Variants in DCP2 observed in about 807,000 individuals in gnomAD.
DCP2 encodes decapping mRNA 2, also known as m7GpppN-mRNA hydrolase.
Under a neutral mutation model 56.1 loss-of-function variants are expected in DCP2, and 30 were observed. The ratio of observed to expected loss-of-function variants is 0.53; its 90% CI spans 0.40 to 0.73. The LOEUF is 0.73. DCP2 is among the 30% of genes least tolerant of loss of function. The probability of loss-of-function intolerance (pLI) is 0.00; values close to 1 mark genes in which losing one functional copy is unlikely to be tolerated. For synonymous variants in DCP2, 197 were observed against 163.3 expected, an observed-to-expected ratio of 1.21 and a Z score of -1.57; for missense variants, 533 against 502.7, an observed-to-expected ratio of 1.06 and a Z score of -0.58.
rs1198688146 is a variant in DCP2 at position 113,008,032 on chromosome 5, A to G, written c.1037A>G (p.Asn346Ser). The change falls in exon 9 of 11, where the codon AAT becomes AGT. Residue 346 changes from asparagine to serine, a missense_variant. Transcript: ENST00000389063. ...GGGCTTCAGCCAGCAAAGCAGCAGAATTCTTTGATGGTAAGAGTTATAGCT... is the reference window on the plus strand; with the variant it reads ...GGGCTTCAGCCAGCAAAGCAGCAGAGTTCTTTGATGGTAAGAGTTATAGCT... ...TNGLQPAKQQ[N>S]SLMKCEKKLH... 4.3e-6 allele frequency: 7 copies of G among 1,613,840 alleles called. No individual in the cohort carries two copies. The highest frequency in any genetic ancestry group is 5.9e-6 in the Non-Finnish European group (7 of 1,179,740).
chr5:113,015,957 GA>G lies in DCP2; in HGVS notation c.*2475del, dbSNP rs1291814774. On this transcript the variant is annotated 3_prime_UTR_variant, in exon 11 of 11. Coordinates refer to ENST00000389063, the MANE Select transcript of DCP2 (RefSeq NM_152624.6). ...TGCTGCATTTTAAGATGCTAGATGA[GA>G]AGAGTAGTTGGTTTTGCTTCATTAT... 6.6e-6 allele frequency: 1 copy of G among 152,640 alleles called. No individual in the cohort carries two copies. The highest frequency in any genetic ancestry group is 1.5e-5 in the Non-Finnish European group (1 of 68,032). The allele number at this position is 152,640 out of a possible 1,614,324, so 9.5% of individuals were successfully genotyped here. A position where few individuals can be genotyped will look rare whatever the true frequency, so the allele number is the denominator to read the frequency against.
chr5:113,011,292 A>T (rs558285997), intron 10 of DCP2, among the ~76,000 whole-genome samples: 1 of 152,184 alleles, frequency 6.6e-6, no homozygotes, highest in Non-Finnish European at 1.5e-5. Context: ...GCAGTGTTCA[A>T]CTTTTTAAGG....
chr5:113,003,127 C>T (rs1347183776), intron 7 of DCP2, among the ~76,000 whole-genome samples: 3 of 146,788 alleles, frequency 2.0e-5, no homozygotes, highest in Non-Finnish European at 4.5e-5. Flanking sequence ...GCCCTGATGT[C>T]TTTCAGAATC....
At chr5:113,002,911 A>G (rs1749245404) in intron 7 of DCP2, among the ~76,000 whole-genome samples, 1 of 152,190 alleles carries the variant, frequency 6.6e-6, no homozygotes, top group African/African-American at 2.4e-5. Flanking sequence ...TTTAAACATA[A>G]TATATATTTT....
At chr5:112,988,583 G>A (rs897618326) in intron 2 of DCP2, among the ~76,000 whole-genome samples, 4 of 151,134 alleles carry the variant, frequency 2.6e-5, no homozygotes, top group African/African-American at 7.3e-5. Context: ...AAATCCCTGA[G>A]CCATAGTAGT....
At chr5:112,992,812 G>A (rs1200972646) in intron 4 of DCP2, 42 bp downstream of exon 4, 1 of 1,467,944 alleles carries the variant, frequency 6.8e-7, no homozygotes, top group African/African-American at 1.5e-5. Flanking sequence ...TTGGCTATTA[G>A]GGTCTGAATG....
intron 2 of DCP2, among the ~76,000 whole-genome samples, chr5:112,988,295 A>G (rs1338555305): frequency 2.0e-5 from 3 of 150,238 alleles, no homozygotes; most frequent in Non-Finnish European, 3.0e-5. Flanking sequence ...ATCCTGGCCA[A>G]CACAGTAAAA....
At chr5:112,984,928 G>A (rs1243357063) in intron 1 of DCP2, among the ~76,000 whole-genome samples, 1 of 151,256 alleles carries the variant, frequency 6.6e-6, no homozygotes, top group Non-Finnish European at 1.5e-5. Context: ...GTATTCTTAT[G>A]CTTATTTGAA....
At chr5:112,987,193 GAAAA>G (rs893154424) in intron 2 of DCP2, among the ~76,000 whole-genome samples, 1 of 151,564 alleles carries the variant, frequency 6.6e-6, no homozygotes, top group African/African-American at 2.4e-5. Flanking sequence ...CTAGAATTTG[GAAAA>G]AAAAGTGGAA....
Position 113,016,104 on chromosome 5 carries a change from G to T in DCP2, c.*2620G>T, listed in dbSNP as rs1749874668. The T allele has an allele frequency of 6.6e-6, 1 of 152,566 alleles. No homozygotes were observed. The highest frequency in any genetic ancestry group is 6.5e-5 in the Admixed American group (1 of 15,270). The allele number at this position is 152,566 out of a possible 1,614,324, so 9.5% of individuals were successfully genotyped here. A position where few individuals can be genotyped will look rare whatever the true frequency, so the allele number is the denominator to read the frequency against. On this transcript the variant is annotated 3_prime_UTR_variant, in exon 11 of 11. Coordinates refer to ENST00000389063, the MANE Select transcript of DCP2 (RefSeq NM_152624.6). Reference sequence around the variant, plus strand: ...CTTTTATTTTTAAAAAAATTTGTAGGTGCTTTTATGTATAACTTTAATGAT... The same window carrying T: ...CTTTTATTTTTAAAAAAATTTGTAGTTGCTTTTATGTATAACTTTAATGAT...
intron 4 of DCP2, among the ~76,000 whole-genome samples, chr5:113,000,426 C>CACA (rs1749122786): frequency 9.3e-6 from 1 of 107,028 alleles, no homozygotes; most frequent in Admixed American, 8.4e-5. Context: ...ACACACACAC[C>CACA]CACACACCCT....
In DCP2 at chr5:113,020,160, C is replaced by T. The variant is rs1003130180; in HGVS notation, c.*6676C>T. The T allele has an allele frequency of 3.0e-4, 46 of 152,242 alleles. No individual in the cohort carries two copies. The highest frequency in any genetic ancestry group is 9.6e-4 in the African/African-American group (40 of 41,536). The allele number at this position is 152,242 out of a possible 1,614,324, so 9.4% of individuals were successfully genotyped here. ...TATTTTGAGACCTTTTGCTGGTAGA[C>T]AAAAACTGAGGAAATGTTTCACTAA... On this transcript the variant is annotated 3_prime_UTR_variant, in exon 11 of 11. Transcript: ENST00000389063.
intron 9 of DCP2, among the ~76,000 whole-genome samples, chr5:113,009,897 A>G (rs946928397): frequency 6.6e-6 from 1 of 151,798 alleles, no homozygotes; most frequent in African/African-American, 2.4e-5. Flanking sequence ...GGGTTGAGAA[A>G]TGTAATGAAT....
chr5:112,991,792 A>C (rs912614165), intron 2 of DCP2, among the ~76,000 whole-genome samples: 1 of 152,242 alleles, frequency 6.6e-6, no homozygotes, highest in Non-Finnish European at 1.5e-5. Flanking sequence ...CTAGGTGTTT[A>C]CATGGTCCAG....
rs1049821206 is a variant in DCP2 at position 112,980,801 on chromosome 5, T to C, written c.53+3815T>C. Among the ~76,000 whole-genome samples, 5 of 152,184 alleles carry C rather than the reference T, an allele frequency of 3.3e-5. No individual in the cohort carries two copies. In the South Asian group the frequency reaches 1.0e-3, roughly 31 times the overall value. On this transcript the variant is annotated intron_variant, in intron 1 of 10. Coordinates refer to ENST00000389063, the MANE Select transcript of DCP2 (RefSeq NM_152624.6). Reference sequence around the variant, plus strand: ...TCTATTCCTGTTGAGGCATTGACTTTTACTTGTTTTGTTTTGAGTTCTTCT... The same window carrying C: ...TCTATTCCTGTTGAGGCATTGACTTCTACTTGTTTTGTTTTGAGTTCTTCT...
intron 9 of DCP2, among the ~76,000 whole-genome samples, chr5:113,008,975 C>G (rs551612382): frequency 1.1e-4 from 16 of 152,126 alleles, no homozygotes; most frequent in Middle Eastern, 3.4e-3. Context: ...TCCTGAGTAG[C>G]TGGGACTAGA....
chr5:112,992,075 C>T (rs777617639), intron 2 of DCP2, 46 bp from the exon 3 acceptor site: 1 of 1,600,294 alleles, frequency 6.2e-7, no homozygotes, highest in East Asian at 2.2e-5. Flanking sequence ...TATAATTTCT[C>T]AAGCCATATT....
intron 4 of DCP2, among the ~76,000 whole-genome samples, chr5:112,993,309 T>C (rs910342976): frequency 2.6e-5 from 4 of 152,186 alleles, no homozygotes; most frequent in African/African-American, 4.8e-5. Flanking sequence ...TTCTCTCTCT[T>C]GAACTTGATT....
chr5:112,993,104 A>T (rs1023707695), intron 4 of DCP2, among the ~76,000 whole-genome samples: 5 of 152,040 alleles, frequency 3.3e-5, no homozygotes, highest in African/African-American at 1.2e-4. Flanking sequence ...TTATGTTTAT[A>T]GCCTTGGCTT....
Sources: allele counts gnomAD v4.1 joint callset (sites outside exome capture counted in the v4.1 genomes callset), GRCh38; gene constraint gnomAD v4.1.1; transcripts MANE v1.5; gene names NCBI Gene and HGNC (gene_info 2026-07-23, HGNC 2026-07-21).